Variants in FAM219A observed in about 807,000 individuals in gnomAD.
The protein encoded by FAM219A is family with sequence similarity 219 member A.
Under a neutral mutation model 23.4 loss-of-function variants are expected in FAM219A, and 7 were observed. That is an observed-to-expected ratio of 0.30 (90% CI 0.17 to 0.56). The LOEUF is 0.56. Ranked by LOEUF, FAM219A falls within the 20% of genes least tolerant of loss-of-function variation. The pLI is 0.92. For missense variants in FAM219A, 166 were observed against 246.9 expected (o/e 0.67, Z 2.20); for synonymous variants, 93 against 99.0 (o/e 0.94, Z 0.36).
intron 1 of FAM219A, among the ~76,000 whole-genome samples, chr9:34,428,482 G>A (rs1822569094): frequency 6.6e-6 from 1 of 152,192 alleles, no homozygotes; most frequent in South Asian, 2.1e-4. Context: ...AGTTCTCCCA[G>A]GTCAATGCCA....
chr9:34,454,361 T>C (rs977251568), intron 1 of FAM219A, among the ~76,000 whole-genome samples: 1 of 152,180 alleles, frequency 6.6e-6, no homozygotes, highest in Non-Finnish European at 1.5e-5. Flanking sequence ...ACTTGAACCC[T>C]GGAGGCAGAG....
At position 34,398,557 on chromosome 9, in the gene FAM219A, T is replaced by C. The variant is rs1821304424; in HGVS notation, c.*2407A>G. The C allele has an allele frequency of 1.6e-6, 1 of 621,134 alleles. No homozygotes were observed. Among genetic ancestry groups the C allele is most frequent in the Non-Finnish European group, 2.8e-6 (1 of 355,990 alleles). 38.5% of individuals were successfully genotyped at this position (621,134 alleles called of 1,614,324 possible). A position where few individuals can be genotyped will look rare whatever the true frequency, so the allele number is the denominator to read the frequency against. On this transcript the variant is annotated 3_prime_UTR_variant, in exon 6 of 6. Transcript: ENST00000651358. ...ATGCACTGCCTCAGTTGGAAGCCCTTGCCTGCCAGGGAACTAGTATGTCCT... is the reference window on the plus strand; with the variant it reads ...ATGCACTGCCTCAGTTGGAAGCCCTCGCCTGCCAGGGAACTAGTATGTCCT...
At chr9:34,408,719 T>C (rs1043163431) in intron 1 of FAM219A, among the ~76,000 whole-genome samples, 2 of 152,164 alleles carry the variant, frequency 1.3e-5, no homozygotes, top group African/African-American at 2.4e-5. Context: ...ATAGTTCTGA[T>C]TGGCATTTTT....
chr9:34,403,814 C>T (rs1453910346), intron 2 of FAM219A, among the ~76,000 whole-genome samples: 1 of 152,178 alleles, frequency 6.6e-6, no homozygotes, highest in Non-Finnish European at 1.5e-5. Flanking sequence ...TGGGAAGGAC[C>T]TTTACAGCTA....
At chr9:34,440,588 C>T (rs927111743) in intron 1 of FAM219A, among the ~76,000 whole-genome samples, 2 of 151,922 alleles carry the variant, frequency 1.3e-5, no homozygotes, top group African/African-American at 2.4e-5. Context: ...TGGTGGCTCA[C>T]GCCTGTAATC....
rs1479425857 is a variant in FAM219A, at chr9:34,402,954, G to T, written c.161-147C>A. 6.0e-6 allele frequency: 4 copies of T among 662,766 alleles called. No homozygotes were observed. The East Asian group carries it at 8.3e-5, about 14-fold the overall frequency. 41.1% of individuals were successfully genotyped at this position (662,766 alleles called of 1,614,324 possible). On this transcript the variant is annotated intron_variant, in intron 2 of 5. Transcript: ENST00000651358. ...GGGATCCCAACTCCAGGCCCCTGCTGCTTGGTGGAGATAGTACCTGGCCCT... is the reference window on the plus strand; with the variant it reads ...GGGATCCCAACTCCAGGCCCCTGCTTCTTGGTGGAGATAGTACCTGGCCCT...
intron 3 of FAM219A, 33 bp from the exon 4 acceptor site, chr9:34,402,500 A>G: frequency 6.2e-7 from 1 of 1,613,796 alleles, no homozygotes; most frequent in Non-Finnish European, 8.5e-7. Context: ...TAGAGTGGCA[A>G]AGTGGAGCAT....
chr9:34,453,437 A>G (rs988653359), intron 1 of FAM219A, among the ~76,000 whole-genome samples: 1 of 152,022 alleles, frequency 6.6e-6, no homozygotes, highest in African/African-American at 2.4e-5. Context: ...CCCTCTCCCA[A>G]AGCAGGGTGT....
chr9:34,448,992 C>T (rs1175100734), intron 1 of FAM219A, among the ~76,000 whole-genome samples: 1 of 92,144 alleles, frequency 1.1e-5, no homozygotes, highest in Non-Finnish European at 2.0e-5. Context: ...CAAAAACTAT[C>T]GGAAAAAAAA....
intron 1 of FAM219A, among the ~76,000 whole-genome samples, chr9:34,444,492 CATT>C (rs1823300580): frequency 6.6e-6 from 1 of 152,158 alleles, no homozygotes; most frequent in East Asian, 1.9e-4. Flanking sequence ...CTTACAACTC[CATT>C]AATAGCTTCT....
At chr9:34,444,278 T>G (rs148259778) in intron 1 of FAM219A, among the ~76,000 whole-genome samples, 1 of 152,322 alleles carries the variant, frequency 6.6e-6, no homozygotes, top group African/African-American at 2.4e-5. Flanking sequence ...GAATGACCTA[T>G]ACATTTGGGT....
At chr9:34,438,281 T>A (rs1383140515) in intron 1 of FAM219A, among the ~76,000 whole-genome samples, 2 of 152,174 alleles carry the variant, frequency 1.3e-5, no homozygotes, top group Non-Finnish European at 2.9e-5. Flanking sequence ...CGCCACCCCC[T>A]GCTCCACGGC....
intron 1 of FAM219A, among the ~76,000 whole-genome samples, chr9:34,434,201 CAAAAAAAAAAAAAAAAAAAAAA>C (rs56144317): frequency 6.7e-5 from 3 of 44,954 alleles, no homozygotes; most frequent in Non-Finnish European, 1.2e-4. Context: ...GACTCCGTCT[CAAAAAAAAAAAAAAAAAAAAAA>C]AAAAGAATGA....
At chr9:34,436,550 A>G (rs1179514639) in intron 1 of FAM219A, among the ~76,000 whole-genome samples, 1 of 152,222 alleles carries the variant, frequency 6.6e-6, no homozygotes, top group African/African-American at 2.4e-5. Context: ...CTGGCCTATG[A>G]TAATTTCTTA....
At chr9:34,409,409 G>T (rs1001310294) in intron 1 of FAM219A, among the ~76,000 whole-genome samples, 1 of 152,242 alleles carries the variant, frequency 6.6e-6, no homozygotes, top group Non-Finnish European at 1.5e-5. Context: ...CTGGCTCCAA[G>T]AAATCAGGGA....
intron 1 of FAM219A, among the ~76,000 whole-genome samples, chr9:34,456,328 A>G (rs1391995108): frequency 6.6e-6 from 1 of 152,262 alleles, no homozygotes; most frequent in East Asian, 1.9e-4. Flanking sequence ...ACAGACCGGA[A>G]GCAGCTCAAG....
chr9:34,433,611 A>G (rs1822791891), intron 1 of FAM219A, among the ~76,000 whole-genome samples: 1 of 152,164 alleles, frequency 6.6e-6, no homozygotes, highest in Non-Finnish European at 1.5e-5. Flanking sequence ...GACATCCAAT[A>G]AGTTTTAAAA....
intron 1 of FAM219A, among the ~76,000 whole-genome samples, chr9:34,440,497 A>G (rs1823126177): frequency 6.6e-6 from 1 of 152,146 alleles, no homozygotes; most frequent in Non-Finnish European, 1.5e-5. Context: ...CAGAAATGCC[A>G]AAGTACCAGA....
intron 1 of FAM219A, among the ~76,000 whole-genome samples, chr9:34,407,106 T>A (rs1391826129): frequency 2.0e-5 from 3 of 151,686 alleles, no homozygotes; most frequent in African/African-American, 7.3e-5. Flanking sequence ...TTGCTAAGAG[T>A]CCTTATCTAG....
Sources: allele counts gnomAD v4.1 joint callset (sites outside exome capture counted in the v4.1 genomes callset), GRCh38; gene constraint gnomAD v4.1.1; transcripts MANE v1.5; gene names NCBI Gene and HGNC (gene_info 2026-07-23, HGNC 2026-07-21).